GNB1: variants seen among roughly 807,000 people sequenced by gnomAD.
GNB1 encodes guanine nucleotide-binding protein G(I)/G(S)/G(T) subunit beta-1.
GNB1 carries 2 observed loss-of-function variants against 42.9 expected under a neutral mutation model. That is an observed-to-expected ratio of 0.05 (90% confidence interval 0.02 to 0.15). The LOEUF (loss-of-function observed/expected upper bound fraction) is 0.15. Among genes scored for constraint, GNB1 ranks in the 10% least tolerant of loss-of-function variants. GNB1 has a pLI of 1.00. For synonymous variants in GNB1, 183 were observed against 174.7 expected, an observed-to-expected ratio of 1.05 and a Z score of -0.38; for missense variants, 193 against 462.2, an observed-to-expected ratio of 0.42 and a Z score of 5.34.
chr1:1,799,001 G>A (rs1415325249), intron 7 of GNB1, among the ~76,000 whole-genome samples: 1 of 151,706 alleles, frequency 6.6e-6, no homozygotes, highest in East Asian at 1.9e-4. Flanking sequence ...CTCACTGCAG[G>A]CTCCGCCCCC....
chr1:1,801,290 AGTGCTGGGATTACAGGCGT>A (rs1557887428), intron 7 of GNB1, among the ~76,000 whole-genome samples: 1 of 152,218 alleles, frequency 6.6e-6, no homozygotes, highest in Non-Finnish European at 1.5e-5. Flanking sequence ...GGCCTCCCAA[AGTGCTGGGATTACAGGCGT>A]GAGCCAACCA....
intron 1 of GNB1, among the ~76,000 whole-genome samples, chr1:1,879,569 G>A (rs1343616286): frequency 1.3e-5 from 2 of 152,126 alleles, no homozygotes; most frequent in Admixed American, 1.3e-4. Flanking sequence ...GCCAGGCGTG[G>A]TGGCAGGCAC....
chr1:1,801,289 A>T (rs1467454460), intron 7 of GNB1, among the ~76,000 whole-genome samples: 10 of 152,214 alleles, frequency 6.6e-5, no homozygotes. Context: ...CGGCCTCCCA[A>T]AGTGCTGGGA....
At chr1:1,876,110 C>A (rs2101830626) in intron 1 of GNB1, among the ~76,000 whole-genome samples, 1 of 152,304 alleles carries the variant, frequency 6.6e-6, no homozygotes, top group South Asian at 2.1e-4. Context: ...CCTTCAGAAG[C>A]ACTGGGGCCC....
At chr1:1,831,217 G>C (rs1364330461) in intron 2 of GNB1, among the ~76,000 whole-genome samples, 1 of 151,934 alleles carries the variant, frequency 6.6e-6, no homozygotes, top group Non-Finnish European at 1.5e-5. Context: ...CGTGCCTGTA[G>C]TCCTACCTAC....
chr1:1,817,825 G>A lies in GNB1; in HGVS notation c.96+12C>T. On this transcript the variant is annotated intron_variant, in intron 4 of 11. Transcript: ENST00000378609. Reference sequence around the variant, plus strand: ...CAGGCAGATGGCTCTGCGTGACTCAGTGGGCTCTTACCTGAGAGAGAGTTG... The same window carrying A: ...CAGGCAGATGGCTCTGCGTGACTCAATGGGCTCTTACCTGAGAGAGAGTTG... 1 of 1,603,442 alleles carries A rather than the reference G, an allele frequency of 6.2e-7. No individual in the cohort carries two copies. The highest frequency in any genetic ancestry group is 1.1e-5 in the South Asian group (1 of 90,878).
Position 1,842,422 on chromosome 1 carries a change from G to A in GNB1, c.-95-3184C>T, listed in dbSNP as rs543392043. Among the ~76,000 whole-genome samples, 3 of 148,864 alleles carry A rather than the reference G, an allele frequency of 2.0e-5. No individual in the cohort carries two copies. In the South Asian group the frequency reaches 6.4e-4, roughly 32 times the overall value. ...TCCAGCCTGGGCGGGGTGACAGAGT[G>A]AGACTCCATCTCAAAAAAAAAAAAA... is the stretch of plus-strand genomic sequence containing the variant. On this transcript the variant is annotated intron_variant, in intron 1 of 11. Coordinates refer to ENST00000378609, the MANE Select transcript of GNB1 (RefSeq NM_002074.5).
intron 2 of GNB1, among the ~76,000 whole-genome samples, chr1:1,831,734 G>C (rs1647078511): frequency 6.6e-6 from 1 of 151,524 alleles, no homozygotes; most frequent in Non-Finnish European, 1.5e-5. Context: ...CACGCACCCG[G>C]TCACATGTAG....
chr1:1,857,781 A>AT (rs1648387967), intron 1 of GNB1, among the ~76,000 whole-genome samples: 1 of 152,130 alleles, frequency 6.6e-6, no homozygotes, highest in African/African-American at 2.4e-5. Flanking sequence ...TTTATGCTGT[A>AT]TTTTTTCCTA....
chr1:1,842,379 A>G (rs1647278131), intron 1 of GNB1, among the ~76,000 whole-genome samples: 1 of 151,940 alleles, frequency 6.6e-6, no homozygotes, highest in Non-Finnish European at 1.5e-5. Flanking sequence ...GCAGTGAGCC[A>G]AGGTTGCACC....
At chr1:1,845,222 G>A (rs772199267) in intron 1 of GNB1, among the ~76,000 whole-genome samples, 20 of 152,158 alleles carry the variant, frequency 1.3e-4, no homozygotes, top group Non-Finnish European at 2.2e-4. Flanking sequence ...AAACGTGGGG[G>A]TACATTCTAA....
chr1:1,807,832 C>T lies in GNB1; in HGVS notation c.204-1294G>A, dbSNP rs190364306. On this transcript the variant is annotated intron_variant, in intron 5 of 11. Transcript: ENST00000378609. ...ATGCCATTCTCCTGCCCCAGTCTCCCGAGTAGCTGGGACTACAGGCGCCCA... is the reference window on the plus strand; with the variant it reads ...ATGCCATTCTCCTGCCCCAGTCTCCTGAGTAGCTGGGACTACAGGCGCCCA... 1.8e-3 allele frequency among the ~76,000 whole-genome samples: 281 copies of T among 151,998 alleles called. 2 individuals carry two copies. Among genetic ancestry groups the T allele is most frequent in the African/African-American group, 6.6e-3 (272 of 41,454 alleles).
chr1:1,822,987 A>G (rs183034483), intron 3 of GNB1, among the ~76,000 whole-genome samples: 189 of 152,236 alleles, frequency 1.2e-3, no homozygotes, highest in African/African-American at 4.4e-3. Context: ...TCATGCCTGT[A>G]ATCCCCGCAC....
At chr1:1,851,841 TGAGACCAGCCTGACCAACACG>T (rs1168392369) in intron 1 of GNB1, among the ~76,000 whole-genome samples, 2 of 151,852 alleles carry the variant, frequency 1.3e-5, no homozygotes, top group Non-Finnish European at 2.9e-5. Flanking sequence ...GTCAGGAGTT[TGAGACCAGCCTGACCAACACG>T]GAGAAACCCC....
chr1:1,876,414 T>C (rs953223174), intron 1 of GNB1, among the ~76,000 whole-genome samples: 8 of 151,642 alleles, frequency 5.3e-5, no homozygotes, highest in African/African-American at 1.9e-4. Context: ...GCCTCCTGGA[T>C]AGCTGGGACT....
rs59271649 is a variant in GNB1, at chr1:1,835,922, G to GAAAAAAAAA, written c.-47+3259_-47+3267dup. Among the ~76,000 whole-genome samples, 22 of 88,658 alleles carry GAAAAAAAAA rather than the reference G, an allele frequency of 2.5e-4. 1 individual carries two copies. Among genetic ancestry groups the GAAAAAAAAA allele is most frequent in the African/African-American group, 4.7e-4 (10 of 21,212 alleles). The allele number at this position is 88,658 out of a possible 152,430, so 58.2% of individuals were successfully genotyped here. ...CCCCGTCTTACAAGAATTAAAAAAA[G>GAAAAAAAAA]AAAAAAAAAAAAAAAAAAAAAGCCA... On this transcript the variant is annotated intron_variant, in intron 2 of 11. Transcript: ENST00000378609.
chr1:1,888,964 C>A (rs1650312615), intron 1 of GNB1, among the ~76,000 whole-genome samples: 1 of 152,162 alleles, frequency 6.6e-6, no homozygotes, highest in African/African-American at 2.4e-5. Context: ...AGCCTCGAAC[C>A]CAGCGTTAGC....
At chr1:1,833,533 A>G (rs560465081) in intron 2 of GNB1, among the ~76,000 whole-genome samples, 129 of 152,220 alleles carry the variant, frequency 8.5e-4, no homozygotes, top group Non-Finnish European at 1.6e-3. Flanking sequence ...CCTCCCTCCA[A>G]CACAACAGGC....
chr1:1,852,511 C>G (rs1280584751), intron 1 of GNB1, among the ~76,000 whole-genome samples: 3 of 151,792 alleles, frequency 2.0e-5, no homozygotes, highest in Non-Finnish European at 4.4e-5. Flanking sequence ...ATTACAGGCT[C>G]GAGCCACGGC....
Sources: allele counts gnomAD v4.1 joint callset (sites outside exome capture counted in the v4.1 genomes callset), GRCh38; gene constraint gnomAD v4.1.1; transcripts MANE v1.5; gene names NCBI Gene and HGNC (gene_info 2026-07-23, HGNC 2026-07-21).